Variants in FAM13B observed in about 807,000 individuals in gnomAD.
FAM13B encodes family with sequence similarity 13 member B.
FAM13B carries 60 observed loss-of-function variants against 117.3 expected under a neutral mutation model. The ratio of observed to expected loss-of-function variants is 0.51; its 90% CI spans 0.42 to 0.63. The LOEUF is 0.63. Ranked by LOEUF, FAM13B falls within the 30% of genes least tolerant of loss-of-function variation. The pLI, the probability that FAM13B is intolerant of heterozygous loss-of-function variation, is 0.00. For missense variants in FAM13B, 972 were observed against 1,091.9 expected, an observed-to-expected ratio of 0.89 and a Z score of 1.55; for synonymous variants, 332 against 356.1, an observed-to-expected ratio of 0.93 and a Z score of 0.76.
intron 7 of FAM13B, among the ~76,000 whole-genome samples, chr5:137,989,947 T>C (rs1382607132): frequency 6.6e-6 from 1 of 152,214 alleles, no homozygotes; most frequent in African/African-American, 2.4e-5. Context: ...CATCAGTTTA[T>C]TTCTAGCGGT....
Position 137,940,277 on chromosome 5 carries a change from A to C in FAM13B, c.2762T>G (p.Leu921Arg). 1 of 1,613,666 alleles carries C rather than the reference A, an allele frequency of 6.2e-7. No homozygotes were observed. ...GCTTATAAGAACTTCAAGAAGCCTA[A>C]GCTTGGCTTTAATTTTCTTGTACTC... ...YREYKKIKAKLRLLEVLISKQ... is the reference protein window; with the variant it reads ...YREYKKIKAKRRLLEVLISKQ... The change falls in exon 24 of 24, where the codon CTT becomes CGT. Residue 921 changes from leucine to arginine, a missense_variant. Physicochemically the swap from Leu to Arg is moderately radical, Grantham distance 102. Coordinates refer to ENST00000689681, the MANE Select transcript of FAM13B (RefSeq NM_001385994.1).
chr5:138,002,152 G>C (rs938548897), intron 7 of FAM13B, among the ~76,000 whole-genome samples: 40 of 152,134 alleles, frequency 2.6e-4, no homozygotes, highest in Admixed American at 1.4e-3. Flanking sequence ...AATGAAATCA[G>C]CTAGACTCAG....
chr5:137,938,476 G>A lies in FAM13B; in HGVS notation c.*1749C>T, dbSNP rs764232461. 93 of 152,670 alleles carry A rather than the reference G, an allele frequency of 6.1e-4. No individual in the cohort carries two copies. The highest frequency in any genetic ancestry group is 2.0e-3 in the Admixed American group (30 of 15,296). 9.5% of individuals were successfully genotyped at this position (152,670 alleles called of 1,614,324 possible). On this transcript the variant is annotated 3_prime_UTR_variant, in exon 24 of 24. Transcript: ENST00000689681. ...AAGGAAATTATCTGAAATGTACACT[G>A]CATGATGGATTCAAATAAAAATGAT... is the stretch of plus-strand genomic sequence containing the variant.
chr5:137,969,563 C>G (rs566406862), intron 10 of FAM13B, among the ~76,000 whole-genome samples: 1 of 152,332 alleles, frequency 6.6e-6, no homozygotes, highest in African/African-American at 2.4e-5. Flanking sequence ...CTCTCCTCCT[C>G]CAAAGGAACG....
chr5:137,971,611 C>T (rs1772173182), intron 10 of FAM13B, among the ~76,000 whole-genome samples: 1 of 151,830 alleles, frequency 6.6e-6, no homozygotes, highest in Non-Finnish European at 1.5e-5. Flanking sequence ...TAACTAAAAT[C>T]AGAGTAGAAC....
intron 9 of FAM13B, 87 bp from the exon 10 acceptor site, chr5:137,985,476 C>T (rs1776957527): frequency 7.7e-7 from 1 of 1,305,366 alleles, no homozygotes. Flanking sequence ...CAATAATGAT[C>T]TGAAACTTTT....
chr5:138,001,617 C>T (rs575738785), intron 7 of FAM13B, among the ~76,000 whole-genome samples: 2 of 152,134 alleles, frequency 1.3e-5, no homozygotes, highest in Admixed American at 6.6e-5. Flanking sequence ...ATCCTGCTGT[C>T]TCATGGTTTA....
At chr5:138,031,852 C>T (rs536272607) in intron 1 of FAM13B, among the ~76,000 whole-genome samples, 15 of 152,306 alleles carry the variant, frequency 9.8e-5, no homozygotes, top group Admixed American at 3.9e-4. Flanking sequence ...TAGCCTCACA[C>T]TAACCCAGCT....
At chr5:137,952,230 T>C (rs1765229324) in intron 17 of FAM13B, among the ~76,000 whole-genome samples, 1 of 152,178 alleles carries the variant, frequency 6.6e-6, no homozygotes, top group Admixed American at 6.5e-5. Context: ...GTCACTGTGA[T>C]TAGACATTCT....
intron 6 of FAM13B, among the ~76,000 whole-genome samples, chr5:138,010,477 T>A (rs1180847085): frequency 1.3e-5 from 2 of 152,218 alleles, no homozygotes; most frequent in African/African-American, 4.8e-5. Flanking sequence ...GATTATAATG[T>A]AACCTCAGAA....
At chr5:137,978,076 GT>G (rs139197066) in intron 10 of FAM13B, among the ~76,000 whole-genome samples, 2 of 147,722 alleles carry the variant, frequency 1.4e-5, no homozygotes, top group South Asian at 4.3e-4. Flanking sequence ...TTTGTTTTTT[GT>G]TTTTTTTTCA....
chr5:138,033,869 C>T (rs991762535), upstream of FAM13B: 1 of 152,214 alleles, frequency 6.6e-6, no homozygotes, highest in Non-Finnish European at 1.5e-5. Context: ...TAGATCAACA[C>T]CTGCACAAAA....
chr5:137,982,545 A>AACAACC (rs1554073596), intron 10 of FAM13B, among the ~76,000 whole-genome samples: 25 of 151,902 alleles, frequency 1.6e-4, no homozygotes, highest in Non-Finnish European at 2.5e-4. Context: ...CAACAACAAC[A>AACAACC]ACCTTCATTC....
intron 3 of FAM13B, 49 bp downstream of exon 3, chr5:138,018,906 T>C (rs1415912178): frequency 6.8e-7 from 1 of 1,472,204 alleles, no homozygotes; most frequent in Admixed American, 2.0e-5. Flanking sequence ...AAGGTGTAAG[T>C]TGTGTTTATT....
chr5:138,012,225 T>C (rs1784225733), intron 4 of FAM13B, among the ~76,000 whole-genome samples: 1 of 149,320 alleles, frequency 6.7e-6, no homozygotes, highest in Non-Finnish European at 1.5e-5. Flanking sequence ...TCTTTTTTTT[T>C]TTTTTTTTTT....
intron 10 of FAM13B, among the ~76,000 whole-genome samples, chr5:137,973,965 G>A (rs1581141268): frequency 7.2e-6 from 1 of 138,874 alleles, no homozygotes; most frequent in East Asian, 2.1e-4. Flanking sequence ...ACAGGTGCTG[G>A]AGAGGATGTG....
chr5:137,993,356 G>T (rs541400116), intron 7 of FAM13B, among the ~76,000 whole-genome samples: 1 of 152,110 alleles, frequency 6.6e-6, no homozygotes, highest in Non-Finnish European at 1.5e-5. Context: ...GGCCAGCCAC[G>T]GCAGCTCATG....
At chr5:137,995,847 T>G (rs1779731728) in intron 7 of FAM13B, among the ~76,000 whole-genome samples, 1 of 152,152 alleles carries the variant, frequency 6.6e-6, no homozygotes, top group African/African-American at 2.4e-5. Context: ...CTTAAAACAT[T>G]TTTTTTAACT....
intron 1 of FAM13B, among the ~76,000 whole-genome samples, chr5:138,023,139 A>T (rs1396153159): frequency 6.6e-6 from 1 of 152,128 alleles, no homozygotes; most frequent in African/African-American, 2.4e-5. Flanking sequence ...GACCTCTACT[A>T]CCTGCAACCT....
Sources: gnomAD v4.1 joint callset for allele counts (sites outside exome capture counted in the v4.1 genomes callset) on GRCh38, gnomAD v4.1.1 for gene constraint, MANE v1.5 for transcripts, NCBI Gene and HGNC (gene_info 2026-07-23, HGNC 2026-07-21) for gene names.